The following SPATA7 variants were observed in gnomAD, a reference collection of about 807,000 sequenced individuals.
SPATA7 encodes spermatogenesis associated 7.
Under a neutral mutation model 51.8 loss-of-function variants are expected in SPATA7, and 43 were observed. The ratio of observed to expected loss-of-function variants is 0.83; its 90% CI spans 0.65 to 1.07. SPATA7 has a LOEUF of 1.07. Ranked by LOEUF, SPATA7 falls within the 50% of genes least tolerant of loss-of-function variation. The pLI is 0.00. For synonymous variants in SPATA7, 230 were observed against 252.8 expected (o/e 0.91, Z 0.86); for missense variants, 683 against 701.3 (o/e 0.97, Z 0.30).
chr14:88,454,561 G>C (rs565561299), intron 3 of SPATA7, among the ~76,000 whole-genome samples: 1 of 152,220 alleles, frequency 6.6e-6, no homozygotes, highest in South Asian at 2.1e-4. Context: ...CCAGGACTTT[G>C]GGAGGCCAAG....
chr14:88,441,884 C>A (rs76230987), downstream of SPATA7, among the ~76,000 whole-genome samples: 2 of 152,164 alleles, frequency 1.3e-5, no homozygotes, highest in South Asian at 2.1e-4. Context: ...GATGCATTTG[C>A]GTTTGGGTTC....
chr14:88,446,876 C>CA (rs2077217334), intron 3 of SPATA7, among the ~76,000 whole-genome samples: 1 of 151,962 alleles, frequency 6.6e-6, no homozygotes, highest in Non-Finnish European at 1.5e-5. Context: ...TGTTCTTTTA[C>CA]ATTTGTTGAG....
At chr14:88,456,966 A>G (rs2077287924), downstream of SPATA7, among the ~76,000 whole-genome samples, 2 of 152,148 alleles carry the variant, frequency 1.3e-5, no homozygotes, top group Admixed American at 1.3e-4. Context: ...TCCCAGCACC[A>G]TTTATTAAAT....
chr14:88,411,739 C>T (rs1449902032), intron 4 of SPATA7, among the ~76,000 whole-genome samples: 5 of 152,106 alleles, frequency 3.3e-5, no homozygotes, highest in Non-Finnish European at 7.3e-5. Flanking sequence ...ACCACATTTT[C>T]TTTATCCAAT....
At chr14:88,390,668 G>A (rs1051623982) in intron 1 of SPATA7, among the ~76,000 whole-genome samples, 5 of 152,148 alleles carry the variant, frequency 3.3e-5, no homozygotes, top group African/African-American at 4.8e-5. Context: ...GGGAAGAGTC[G>A]CCCAAAGGAA....
At chr14:88,414,361 A>C (rs2139952671) in intron 4 of SPATA7, among the ~76,000 whole-genome samples, 1 of 152,180 alleles carries the variant, frequency 6.6e-6, no homozygotes, top group Non-Finnish European at 1.5e-5. Flanking sequence ...TCTTCTTAAT[A>C]GTCTCTAAGG....
At chr14:88,462,902 A>T (rs1214283110) in intron 4 of SPATA7, among the ~76,000 whole-genome samples, 2 of 152,236 alleles carry the variant, frequency 1.3e-5, no homozygotes, top group African/African-American at 4.8e-5. Context: ...CCTATTTATA[A>T]TATTAAAGCA....
intron 3 of SPATA7, among the ~76,000 whole-genome samples, chr14:88,452,754 T>A (rs1375711135): frequency 6.6e-6 from 1 of 152,190 alleles, no homozygotes; most frequent in South Asian, 2.1e-4. Flanking sequence ...CATGCCACTC[T>A]CTTCTTTAAA....
At chr14:88,395,022 T>C (rs2075843600) in intron 3 of SPATA7, among the ~76,000 whole-genome samples, 1 of 152,166 alleles carries the variant, frequency 6.6e-6, no homozygotes, top group African/African-American at 2.4e-5. Flanking sequence ...ATATCAGATA[T>C]ATGTTTTGCA....
At chr14:88,394,752 C>A (rs1374756290) in intron 3 of SPATA7, among the ~76,000 whole-genome samples, 2 of 152,140 alleles carry the variant, frequency 1.3e-5, no homozygotes, top group Non-Finnish European at 2.9e-5. Flanking sequence ...AGTGAATATA[C>A]CATTTACATT....
chr14:88,402,194 T>C (rs2076079732), intron 4 of SPATA7, among the ~76,000 whole-genome samples: 2 of 152,176 alleles, frequency 1.3e-5, no homozygotes, highest in Non-Finnish European at 2.9e-5. Flanking sequence ...ATTGGAATAA[T>C]TAATATTGTT....
At chr14:88,454,607 G>A (rs985517101) in intron 3 of SPATA7, among the ~76,000 whole-genome samples, 5 of 151,922 alleles carry the variant, frequency 3.3e-5, no homozygotes, top group Non-Finnish European at 7.4e-5. Context: ...GTTCAAGACC[G>A]ACCAGCCTGG....
rs184840185 is a variant in SPATA7 at position 88,464,257 on chromosome 14, G to C, written c.255-5590G>C. On this transcript the variant is annotated intron_variant, in intron 4 of 4. Coordinates refer to the SPATA7 transcript ENST00000556406. ...TTTTCCCAGGCAAATTTCTAATGCAGCTATTCCTCTACTTTTGAAATGTCC... is the reference window on the plus strand; with the variant it reads ...TTTTCCCAGGCAAATTTCTAATGCACCTATTCCTCTACTTTTGAAATGTCC... 1.3e-3 allele frequency among the ~76,000 whole-genome samples: 193 copies of C among 152,240 alleles called. 1 individual carries two copies. The Middle Eastern group carries it at 0.017, about 13-fold the overall frequency.
At chr14:88,468,269 G>C in intron 4 of SPATA7, 1 of 1,592,094 alleles carries the variant, frequency 6.3e-7, no homozygotes, top group Non-Finnish European at 8.5e-7. Flanking sequence ...CCAGCACCTA[G>C]GTTGAGAGAA....
intron 4 of SPATA7, among the ~76,000 whole-genome samples, chr14:88,406,055 TTA>T (rs1385910769): frequency 6.6e-6 from 1 of 152,176 alleles, no homozygotes; most frequent in African/African-American, 2.4e-5. Context: ...TCATTCTTCA[TTA>T]TATATGATTT....
intron 4 of SPATA7, chr14:88,466,318 C>A (rs150469698): frequency 6.6e-6 from 1 of 151,872 alleles, no homozygotes; most frequent in South Asian, 2.1e-4. Flanking sequence ...GAGAAGTGTG[C>A]GTACTTTCAA....
At chr14:88,416,565 ACT>A in intron 4 of SPATA7, 144 bp from the exon 5 acceptor site, 2 of 721,480 alleles carry the variant, frequency 2.8e-6, no homozygotes, top group Non-Finnish European at 4.6e-6. Flanking sequence ...TGTGTTAGTA[ACT>A]CTTTATATAG....
At chr14:88,407,590 G>A (rs1369920678) in intron 4 of SPATA7, among the ~76,000 whole-genome samples, 3 of 152,124 alleles carry the variant, frequency 2.0e-5, no homozygotes, top group Non-Finnish European at 4.4e-5. Flanking sequence ...TTCTTTTGCT[G>A]TGCAGAAGCT....
intron 4 of SPATA7, among the ~76,000 whole-genome samples, chr14:88,414,004 A>C (rs1270280737): frequency 6.6e-6 from 1 of 151,990 alleles, no homozygotes; most frequent in African/African-American, 2.4e-5. Flanking sequence ...ATATTGGCCT[A>C]TAGCTTTCGT....
Sources: allele counts gnomAD v4.1 joint callset (sites outside exome capture counted in the v4.1 genomes callset), GRCh38; gene constraint gnomAD v4.1.1; transcripts MANE v1.5; gene names NCBI Gene and HGNC (gene_info 2026-07-23, HGNC 2026-07-21).